SEC14L6: variants seen among roughly 807,000 people sequenced by gnomAD.
The protein encoded by SEC14L6 is SEC14 like lipid binding 6.
SEC14L6 carries 40 observed loss-of-function variants against 54.1 expected under a neutral mutation model. That is an observed-to-expected ratio of 0.74 (90% CI 0.57 to 0.96). The LOEUF (loss-of-function observed/expected upper bound fraction) is 0.96, where lower values mean the gene tolerates loss of function less well. Ranked by LOEUF, SEC14L6 falls within the 40% of genes least tolerant of loss-of-function variation. The probability of loss-of-function intolerance (pLI) is 0.00; values close to 1 mark genes in which losing one functional copy is unlikely to be tolerated. For synonymous variants in SEC14L6, 171 were observed against 198.4 expected (o/e 0.86, Z 1.16); for missense variants, 471 against 498.3 (o/e 0.95, Z 0.52).
intron 1 of SEC14L6, among the ~76,000 whole-genome samples, chr22:30,545,914 T>G (rs1326641045): frequency 6.6e-6 from 1 of 151,982 alleles, no homozygotes; most frequent in Admixed American, 6.5e-5. Flanking sequence ...CACTGCAACC[T>G]CCACCTCCTG....
intron 2 of SEC14L6, among the ~76,000 whole-genome samples, chr22:30,534,932 G>A (rs1937098112): frequency 6.6e-6 from 1 of 151,906 alleles, no homozygotes; most frequent in African/African-American, 2.4e-5. Context: ...GGCTGAGGCA[G>A]GAGAATCACT....
At chr22:30,529,210 TG>T in intron 7 of SEC14L6, 40 bp from the exon 8 acceptor site, 1 of 1,548,922 alleles carries the variant, frequency 6.5e-7, no homozygotes, top group Non-Finnish European at 8.7e-7. Context: ...GGCGGCTGGC[TG>T]GGGTCTCAGG....
chr22:30,532,780 G>A lies in SEC14L6; in HGVS notation c.234+17C>T. 1 of 1,611,180 alleles carries A rather than the reference G, an allele frequency of 6.2e-7. No individual in the cohort carries two copies. Among genetic ancestry groups the A allele is most frequent in the Non-Finnish European group, 8.5e-7 (1 of 1,178,760 alleles). ...TGAGGGCCCAGGGATCAGGGTATGG[G>A]TTTGAGAGATGCTCACCTCTGGGGG... On this transcript the variant is annotated intron_variant, in intron 4 of 11. Coordinates refer to ENST00000402034, the MANE Select transcript of SEC14L6 (RefSeq NM_001193336.4).
At position 30,534,013 on chromosome 22, in the gene SEC14L6, C is replaced by T; in HGVS notation, c.157G>A (p.Glu53Lys). Residue 53 changes from glutamate (E) to lysine (K), a missense_variant, in exon 3 of 12, where the codon GAG becomes AAG. Physicochemically the swap from Glu to Lys is moderately conservative, Grantham distance 56. Coordinates refer to ENST00000402034, the MANE Select transcript of SEC14L6 (RefSeq NM_001193336.4). ...QARSFDLQKS[E>K]DMLRKHMEFR... ...AACCTCACCTTCCTCAGCATGTCCT[C>T]TGATTTCTGCAGGTCAAAGCTCCGA... The T allele has an allele frequency of 1.3e-6, 2 of 1,550,874 alleles. No individual in the cohort carries two copies. The highest frequency in any genetic ancestry group is 4.9e-5 in the East Asian group (2 of 40,920).
chr22:30,542,755 C>G, intron 1 of SEC14L6: 1 of 1,586,264 alleles, frequency 6.3e-7, no homozygotes, highest in Non-Finnish European at 8.7e-7. Flanking sequence ...CTCCCTGAAC[C>G]CTGTGGGGCC....
chr22:30,539,126 C>T (rs2085651931), intron 1 of SEC14L6, among the ~76,000 whole-genome samples: 1 of 152,156 alleles, frequency 6.6e-6, no homozygotes, highest in South Asian at 2.1e-4. Flanking sequence ...CCTGTAATCC[C>T]AGCACTTTGG....
intron 1 of SEC14L6, among the ~76,000 whole-genome samples, chr22:30,541,570 G>A (rs1381820491): frequency 1.3e-5 from 2 of 152,068 alleles, no homozygotes; most frequent in Non-Finnish European, 2.9e-5. Context: ...GAGGCAGAGA[G>A]TCATTTGAAC....
intron 3 of SEC14L6, chr22:30,533,298 C>G (rs1211759972): frequency 4.1e-6 from 1 of 241,638 alleles, no homozygotes; most frequent in Admixed American, 6.5e-5. Flanking sequence ...TCTCCGTGTG[C>G]TCCTAGAATA....
rs5997679 is a variant in SEC14L6, at chr22:30,546,711, T to C, written c.-29A>G. The C allele has an allele frequency of 0.025, 38,365 of 1,545,426 alleles. 830 individuals carry two copies. The highest frequency in any genetic ancestry group is 0.096 in the African/African-American group (7,003 of 72,970). ...GCCCATGAATGGGTCCAGGCTCCAC[T>C]CTGTGGCTCCCTCCAGGTGGCCTGC... is the stretch of plus-strand genomic sequence containing the variant. On this transcript the variant is annotated 5_prime_UTR_variant, in exon 1 of 12. Coordinates refer to ENST00000402034, the MANE Select transcript of SEC14L6 (RefSeq NM_001193336.4).
At chr22:30,531,430 GA>G (rs544856490) in intron 6 of SEC14L6, among the ~76,000 whole-genome samples, 17 of 141,748 alleles carry the variant, frequency 1.2e-4, no homozygotes, top group Non-Finnish European at 2.0e-4. Flanking sequence ...GAAAAGAAAA[GA>G]AAAAAAAAAC....
In SEC14L6 at chr22:30,531,848, G is replaced by A; in HGVS notation, c.519+55C>T. ...CCCTGCCCCACACCAGCAAGTGGAG[G>A]GTAAAGACCCAGGCATTTGACCACC... is the stretch of plus-strand genomic sequence containing the variant. On this transcript the variant is annotated intron_variant, in intron 6 of 11. Transcript: ENST00000402034. 2.3e-6 allele frequency: 3 copies of A among 1,281,842 alleles called. No individual in the cohort carries two copies. The South Asian group carries it at 3.9e-5, about 17-fold the overall frequency. 79.4% of individuals were successfully genotyped at this position (1,281,842 alleles called of 1,614,324 possible).
At chr22:30,542,399 G>C (rs2085734896) in intron 1 of SEC14L6, 1 of 422,314 alleles carries the variant, frequency 2.4e-6, no homozygotes, top group Non-Finnish European at 4.1e-6. Context: ...CCGGAGGCGA[G>C]GGGAGGTCGG....
intron 8 of SEC14L6, among the ~76,000 whole-genome samples, chr22:30,528,422 C>CTTTTTTTTTTTTTTTTTTTTTTTT (rs375073961): frequency 9.5e-6 from 1 of 105,520 alleles, no homozygotes; most frequent in Non-Finnish European, 1.9e-5. Context: ...CGCTCGGCCT[C>CTTTTTTTTTTTTTTTTTTTTTTTT]TTTTTTTTTT....
chr22:30,530,345 G>A (rs1936928393), intron 6 of SEC14L6, among the ~76,000 whole-genome samples: 1 of 152,150 alleles, frequency 6.6e-6, no homozygotes, highest in African/African-American at 2.4e-5. Context: ...GTTAGGCGGA[G>A]GCTGCAGTGA....
chr22:30,528,928 G>A (rs1034905178), intron 8 of SEC14L6, among the ~76,000 whole-genome samples, 159 bp downstream of exon 8: 63 of 152,038 alleles, frequency 4.1e-4, no homozygotes, highest in African/African-American at 1.4e-3. Context: ...CCTCTCGGGG[G>A]CAGGCACAGC....
At chr22:30,533,343 G>A (rs991229501) in intron 3 of SEC14L6, among the ~76,000 whole-genome samples, 1 of 152,208 alleles carries the variant, frequency 6.6e-6, no homozygotes, top group Non-Finnish European at 1.5e-5. Flanking sequence ...TCTCACGCCT[G>A]TAATCCCAGC....
At chr22:30,543,105 C>T in intron 1 of SEC14L6, 1 of 1,602,494 alleles carries the variant, frequency 6.2e-7, no homozygotes, top group African/African-American at 1.3e-5. Flanking sequence ...CACCCAGAGA[C>T]ATCAGCCTGA....
rs2085803628 is a variant in SEC14L6, at chr22:30,546,707, C to G, written c.-25G>C. 4 of 1,548,154 alleles carry G rather than the reference C, an allele frequency of 2.6e-6. No homozygotes were observed. The highest frequency in any genetic ancestry group is 1.4e-5 in the African/African-American group (1 of 72,980). On this transcript the variant is annotated 5_prime_UTR_variant, in exon 1 of 12. Coordinates refer to ENST00000402034, the MANE Select transcript of SEC14L6 (RefSeq NM_001193336.4). ...TGCTGCCCATGAATGGGTCCAGGCTCCACTCTGTGGCTCCCTCCAGGTGGC... is the reference window on the plus strand; with the variant it reads ...TGCTGCCCATGAATGGGTCCAGGCTGCACTCTGTGGCTCCCTCCAGGTGGC...
intron 8 of SEC14L6, 87 bp downstream of exon 8, chr22:30,529,000 C>G: frequency 8.4e-7 from 1 of 1,194,536 alleles, no homozygotes; most frequent in Non-Finnish European, 1.2e-6. Context: ...CCTACACCTT[C>G]GGATGCAGGA....
Sources: allele counts gnomAD v4.1 joint callset (sites outside exome capture counted in the v4.1 genomes callset), GRCh38; gene constraint gnomAD v4.1.1; transcripts MANE v1.5; gene names NCBI Gene and HGNC (gene_info 2026-07-23, HGNC 2026-07-21).